RACGAP1: variants seen among roughly 807,000 people sequenced by gnomAD.
The protein encoded by RACGAP1 is rac GTPase-activating protein 1.
RACGAP1 carries 30 observed loss-of-function variants against 78.1 expected under a neutral mutation model. That is an observed-to-expected ratio of 0.38 (90% confidence interval 0.29 to 0.52). The LOEUF (loss-of-function observed/expected upper bound fraction) is 0.52, where lower values mean the gene tolerates loss of function less well. Among genes scored for constraint, RACGAP1 ranks in the 20% least tolerant of loss-of-function variants. RACGAP1 has a pLI of 0.82. For synonymous variants in RACGAP1, 231 were observed against 264.8 expected, an observed-to-expected ratio of 0.87 and a Z score of 1.24; for missense variants, 587 against 777.1, an observed-to-expected ratio of 0.76 and a Z score of 2.91.
At chr12:49,999,802 T>A (rs1948542716) in intron 7 of RACGAP1, 69 bp from the exon 8 acceptor site, 1 of 1,272,628 alleles carries the variant, frequency 7.9e-7, no homozygotes, top group South Asian at 1.2e-5. Flanking sequence ...TAGGGTATTT[T>A]GGAGCAGGTA....
intron 10 of RACGAP1, among the ~76,000 whole-genome samples, chr12:49,995,621 A>G (rs1565662887): frequency 6.6e-6 from 1 of 151,842 alleles, no homozygotes; most frequent in Non-Finnish European, 1.5e-5. Context: ...CCTCCTGAGG[A>G]GCTACAAACA....
At chr12:50,033,289 G>T (rs73119685), upstream of RACGAP1, among the ~76,000 whole-genome samples, 8,576 of 151,634 alleles carry the variant, frequency 0.057, 302 homozygotes, top group East Asian at 0.16. Context: ...GGGCGATGCG[G>T]GGTGCAAGGC....
Position 50,006,417 on chromosome 12 carries a change from C to A in RACGAP1, c.288+17G>T, listed in dbSNP as rs746281236. 1 of 1,613,676 alleles carries A rather than the reference C, an allele frequency of 6.2e-7. No individual in the cohort carries two copies. Among genetic ancestry groups the A allele is most frequent in the Non-Finnish European group, 8.5e-7 (1 of 1,179,624 alleles). On this transcript the variant is annotated intron_variant, in intron 3 of 16. Transcript: ENST00000312377. ...CTCCTGCATCATCACTGTTCTAGCA[C>A]GGAAAACAATACACACCAGCTTTTC... is the stretch of plus-strand genomic sequence containing the variant.
chr12:49,991,457 T>TTTTATA (rs1345935711), intron 15 of RACGAP1, among the ~76,000 whole-genome samples: 2 of 27,402 alleles, frequency 7.3e-5, no homozygotes, highest in African/African-American at 1.7e-4. Flanking sequence ...ATTTAAACTA[T>TTTTATA]TATATATATA....
At chr12:50,029,567 C>T (rs931804385), upstream of RACGAP1, among the ~76,000 whole-genome samples, 1 of 151,736 alleles carries the variant, frequency 6.6e-6, no homozygotes, top group African/African-American at 2.4e-5. Flanking sequence ...GTGCGAGTCT[C>T]TGTCTCAAAA....
At chr12:50,007,836 AT>A (rs1055615046) in intron 2 of RACGAP1, among the ~76,000 whole-genome samples, 4 of 152,130 alleles carry the variant, frequency 2.6e-5, no homozygotes, top group African/African-American at 7.2e-5. Flanking sequence ...AATTAAAAAA[AT>A]ATTACAATTC....
At chr12:50,032,536 AGTGTGTGTGTGTGT>A (rs60239235) in intron 1 of RACGAP1, among the ~76,000 whole-genome samples, 1 of 147,136 alleles carries the variant, frequency 6.8e-6, no homozygotes. Flanking sequence ...GGAAAAGGTG[AGTGTGTGTGTGTGT>A]GTGTGTGTGT....
At chr12:50,027,854 A>C (rs989843702), upstream of RACGAP1, among the ~76,000 whole-genome samples, 4 of 152,056 alleles carry the variant, frequency 2.6e-5, no homozygotes, top group African/African-American at 7.2e-5. Flanking sequence ...ATCAATCAAT[A>C]CACGAGAAAG....
intron 5 of RACGAP1, chr12:50,002,574 T>C (rs1182479791): frequency 6.4e-6 from 2 of 312,500 alleles, no homozygotes; most frequent in Admixed American, 4.4e-5. Flanking sequence ...TTCTGCCATA[T>C]TTCCAGTGGC....
intron 12 of RACGAP1, among the ~76,000 whole-genome samples, chr12:49,993,041 T>C (rs555518591): frequency 3.3e-5 from 5 of 152,216 alleles, no homozygotes; most frequent in Non-Finnish European, 7.3e-5. Flanking sequence ...TTATGGAACC[T>C]ACATTCTATT....
rs1947735911 is a variant in RACGAP1, at chr12:49,990,179, G to C, written c.*89C>G. ...AAAAGCCTGGAGAATGCTAAAAGTA[G>C]TAATGAGTACAGGAGGCTGCAGAGC... On this transcript the variant is annotated 3_prime_UTR_variant, in exon 17 of 17. Transcript: ENST00000312377. 1 of 1,072,850 alleles carries C rather than the reference G, an allele frequency of 9.3e-7. No homozygotes were observed. The highest frequency in any genetic ancestry group is 1.5e-5 in the South Asian group (1 of 68,518). 66.5% of individuals were successfully genotyped at this position (1,072,850 alleles called of 1,614,324 possible).
chr12:50,014,550 G>A (rs1269332929), intron 2 of RACGAP1, among the ~76,000 whole-genome samples: 1 of 152,012 alleles, frequency 6.6e-6, no homozygotes, highest in African/African-American at 2.4e-5. Flanking sequence ...CCACAGGCAT[G>A]TGTCACCACA....
chr12:50,014,731 T>C (rs1265673767), intron 2 of RACGAP1, among the ~76,000 whole-genome samples: 1 of 151,860 alleles, frequency 6.6e-6, no homozygotes, highest in African/African-American at 2.4e-5. Flanking sequence ...GGTTTTTTTG[T>C]TTTTGTTTTT....
intron 13 of RACGAP1, 46 bp downstream of exon 13, chr12:49,992,504 G>A (rs1329456616): frequency 8.2e-6 from 13 of 1,590,202 alleles, no homozygotes; most frequent in Non-Finnish European, 1.1e-5. Flanking sequence ...TCTTCCCCTT[G>A]GAAAAAAATT....
At chr12:50,027,509 G>A (rs985210972), upstream of RACGAP1, among the ~76,000 whole-genome samples, 1 of 152,104 alleles carries the variant, frequency 6.6e-6, no homozygotes, top group African/African-American at 2.4e-5. Flanking sequence ...TGTGACCTCT[G>A]AAGAATGAGG....
At chr12:50,013,462 T>A (rs937082001) in intron 2 of RACGAP1, among the ~76,000 whole-genome samples, 4 of 152,192 alleles carry the variant, frequency 2.6e-5, no homozygotes, top group African/African-American at 9.6e-5. Flanking sequence ...GGTCTTATTA[T>A]CACAATCTCT....
intron 11 of RACGAP1, 36 bp from the exon 12 acceptor site, chr12:49,994,365 C>A: frequency 6.2e-7 from 1 of 1,612,752 alleles, no homozygotes; most frequent in South Asian, 1.1e-5. Flanking sequence ...TAAAAACCTC[C>A]GAATTAACAC....
upstream of RACGAP1, among the ~76,000 whole-genome samples, chr12:50,027,671 C>T (rs1306055891): frequency 3.9e-5 from 6 of 152,152 alleles, no homozygotes; most frequent in East Asian, 1.2e-3. Flanking sequence ...ACTAAAAATA[C>T]AAAAATTAGC....
exon 1 of RACGAP1, chr12:50,033,082 C>T (rs1019535104): frequency 2.6e-5 from 4 of 152,372 alleles, no homozygotes; most frequent in Non-Finnish European, 4.4e-5. Flanking sequence ...GGCTGCCAAC[C>T]GTCTGGCCAC....
Sources: gnomAD v4.1 joint callset for allele counts (sites outside exome capture counted in the v4.1 genomes callset) on GRCh38, gnomAD v4.1.1 for gene constraint, MANE v1.5 for transcripts, NCBI Gene and HGNC (gene_info 2026-07-23, HGNC 2026-07-21) for gene names.